WWP2: variants seen among roughly 807,000 people sequenced by gnomAD.
The protein encoded by WWP2 is WW domain containing E3 ubiquitin protein ligase 2.
A neutral mutation model predicts 121.0 loss-of-function variants in WWP2; 57 were observed. That is an observed-to-expected ratio of 0.47 (90% CI 0.38 to 0.59). The LOEUF is 0.59. Among genes scored for constraint, WWP2 ranks in the 20% least tolerant of loss-of-function variants. The pLI, the probability that WWP2 is intolerant of heterozygous loss-of-function variation, is 0.00. For synonymous variants in WWP2, 449 were observed against 441.3 expected, an observed-to-expected ratio of 1.02 and a Z score of -0.22; for missense variants, 962 against 1,158.9, an observed-to-expected ratio of 0.83 and a Z score of 2.47.
intron 4 of WWP2, among the ~76,000 whole-genome samples, chr16:69,825,773 A>G: frequency 6.6e-6 from 1 of 151,612 alleles, no homozygotes; most frequent in Non-Finnish European, 1.5e-5. Context: ...CCACAGGTGC[A>G]TGCCACTACA....
intron 10 of WWP2, among the ~76,000 whole-genome samples, chr16:69,919,883 C>T (rs2058533416): frequency 6.6e-6 from 1 of 150,834 alleles, no homozygotes; most frequent in Non-Finnish European, 1.5e-5. Flanking sequence ...GCCTTGACCT[C>T]CTGGGCTGAA....
At chr16:69,893,865 C>A (rs2058067815) in intron 8 of WWP2, among the ~76,000 whole-genome samples, 1 of 152,008 alleles carries the variant, frequency 6.6e-6, no homozygotes, top group African/African-American at 2.4e-5. Context: ...CTTCTCTGTT[C>A]ATAAAGGATC....
chr16:69,819,222 G>C (rs1031289749), intron 4 of WWP2, among the ~76,000 whole-genome samples: 98 of 152,292 alleles, frequency 6.4e-4, no homozygotes, highest in Non-Finnish European at 3.5e-4. Flanking sequence ...CCCTGCATCT[G>C]CTGTTGTCTT....
intron 7 of WWP2, among the ~76,000 whole-genome samples, chr16:69,882,944 G>A (rs2057857035): frequency 6.6e-6 from 1 of 152,114 alleles, no homozygotes; most frequent in African/African-American, 2.4e-5. Context: ...CTTGAGGTCA[G>A]GAGTTCCAGA....
intron 6 of WWP2, among the ~76,000 whole-genome samples, chr16:69,847,355 G>A (rs1021716668): frequency 1.3e-5 from 2 of 151,750 alleles, no homozygotes; most frequent in African/African-American, 4.8e-5. Flanking sequence ...AAAGTGCTGG[G>A]ATTACAGGCA....
Position 69,936,295 on chromosome 16 carries a change from G to A in WWP2, c.1977-17G>A, listed in dbSNP as rs191432492. 2.8e-4 allele frequency: 451 copies of A among 1,614,016 alleles called. No homozygotes were observed. The highest frequency in any genetic ancestry group is 3.8e-4 in the Non-Finnish European group (444 of 1,179,974). On this transcript the variant is annotated splice_polypyrimidine_tract_variant and intron_variant, in intron 18 of 23. Transcript: ENST00000359154. ...GACACGGTAGACATCTCCCCACTTG[G>A]TCTCCTGTGCCCCCAGAGAGAACAA...
At chr16:69,902,792 T>G (rs748296844) in intron 8 of WWP2, among the ~76,000 whole-genome samples, 11 of 152,262 alleles carry the variant, frequency 7.2e-5, no homozygotes, top group Admixed American at 3.9e-4. Context: ...TCCATCTATG[T>G]GAGTCAGCGG....
At chr16:69,885,102 T>TACACACTCAC (rs34325481) in intron 7 of WWP2, among the ~76,000 whole-genome samples, 2 of 139,942 alleles carry the variant, frequency 1.4e-5, no homozygotes, top group Non-Finnish European at 3.1e-5. Flanking sequence ...AAACTCCTCC[T>TACACACTCAC]ACACACACAC....
intron 1 of WWP2, among the ~76,000 whole-genome samples, chr16:69,782,349 G>A (rs1309829621): frequency 1.3e-5 from 2 of 152,192 alleles, no homozygotes; most frequent in African/African-American, 4.8e-5. Flanking sequence ...TAACTGAGAA[G>A]AGGTAGAACA....
intron 1 of WWP2, among the ~76,000 whole-genome samples, chr16:69,776,479 A>G (rs2055529728): frequency 6.6e-6 from 1 of 152,246 alleles, no homozygotes; most frequent in Non-Finnish European, 1.5e-5. Context: ...AAATGAATGA[A>G]TGCCTCTTAT....
chr16:69,798,961 C>G, intron 3 of WWP2, 132 bp downstream of exon 3: 1 of 1,402,696 alleles, frequency 7.1e-7, no homozygotes. Flanking sequence ...CAAGGTGACT[C>G]TTTTTAGGTG....
At chr16:69,910,369 T>G in intron 9 of WWP2, 11 of 983,848 alleles carry the variant, frequency 1.1e-5, no homozygotes, top group Non-Finnish European at 1.2e-5. Flanking sequence ...TTTGTGTACT[T>G]TATAACATGT....
intron 10 of WWP2, among the ~76,000 whole-genome samples, chr16:69,919,414 A>C (rs2058525435): frequency 6.6e-6 from 1 of 151,748 alleles, no homozygotes; most frequent in Admixed American, 6.6e-5. Context: ...TAATCCGCCC[A>C]CCTTGGCCTC....
rs563785053 is a variant in WWP2 at position 69,778,678 on chromosome 16, G to A, written c.-15-8318G>A. ...TTCTCTTGAGACAGAGTCTCGCTCT[G>A]TTGCCCAGGCTGGAGTGCAGTGGTG... On this transcript the variant is annotated intron_variant, in intron 1 of 23. Coordinates refer to ENST00000359154, the MANE Select transcript of WWP2 (RefSeq NM_001270454.2). 4.6e-5 allele frequency among the ~76,000 whole-genome samples: 7 copies of A among 152,270 alleles called. No homozygotes were observed. The South Asian group carries it at 1.5e-3, about 32-fold the overall frequency.
In WWP2 at chr16:69,917,842, CA is replaced by C; in HGVS notation, c.1139del (p.Gln380ArgfsTer44). On this transcript the variant is annotated frameshift_variant, in exon 10 of 24. Transcript: ENST00000359154. LOFTEE classifies it high-confidence loss of function. Reference sequence around the variant, plus strand: ...GTGGCAGTCGCAGCGGAATCAGCTCCAGGGGGCCATGCAGCACTTCAGCCAA... The same window carrying C: ...GTGGCAGTCGCAGCGGAATCAGCTCCGGGGGCCATGCAGCACTTCAGCCAA... ...EQWQSQRNQL[Q>X]GAMQHFSQRF... 1 of 1,613,854 alleles carries C rather than the reference CA, an allele frequency of 6.2e-7. No homozygotes were observed. Among genetic ancestry groups the C allele is most frequent in the Non-Finnish European group, 8.5e-7 (1 of 1,179,708 alleles).
intron 1 of WWP2, among the ~76,000 whole-genome samples, chr16:69,778,397 T>G (rs1033975645): frequency 3.3e-5 from 5 of 151,564 alleles, no homozygotes; most frequent in East Asian, 1.9e-4. Context: ...AGTTTTGGAG[T>G]GATTAGGATG....
intron 6 of WWP2, among the ~76,000 whole-genome samples, chr16:69,847,550 A>G (rs1190072165): frequency 6.6e-6 from 1 of 151,594 alleles, no homozygotes; most frequent in Non-Finnish European, 1.5e-5. Context: ...CTGGGATTAC[A>G]GGCATGCGCC....
In WWP2 at chr16:69,904,515, T is replaced by C. The variant is rs180990304; in HGVS notation, c.915-4246T>C. ...TCCTGAGTAGGTACGATTACAGGTA[T>C]GTGCCAGCACATCTGACTATTTAAA... On this transcript the variant is annotated intron_variant, in intron 8 of 23. Transcript: ENST00000359154. 2.0e-3 allele frequency among the ~76,000 whole-genome samples: 309 copies of C among 152,162 alleles called. 3 individuals are homozygous for C. The highest frequency in any genetic ancestry group is 6.8e-3 in the African/African-American group (281 of 41,520).
Position 69,929,500 on chromosome 16 carries a change from G to T in WWP2, c.1287G>T (p.Thr429=). ...ATTACGTGAACCATAACACTCGCAC[G>T]ACCCAGTGGGAGGATCCCCGGACCC... ...RVYYVNHNTR[T]TQWEDPRTQG... The change falls in exon 12 of 24, where the codon ACG becomes ACT. Residue 429 remains threonine (T), a synonymous_variant. Coordinates refer to ENST00000359154, the MANE Select transcript of WWP2 (RefSeq NM_001270454.2). 6.2e-7 allele frequency: 1 copy of T among 1,614,038 alleles called. No individual in the cohort carries two copies. Among genetic ancestry groups the T allele is most frequent in the Non-Finnish European group, 8.5e-7 (1 of 1,179,988 alleles).
Sources: gnomAD v4.1 joint callset for allele counts (sites outside exome capture counted in the v4.1 genomes callset) on GRCh38, gnomAD v4.1.1 for gene constraint, MANE v1.5 for transcripts, NCBI Gene and HGNC (gene_info 2026-07-23, HGNC 2026-07-21) for gene names.